The following MIGA2 variants were observed in gnomAD, a reference collection of about 807,000 sequenced individuals.
The protein encoded by MIGA2 is mitoguardin 2, also known as family with sequence similarity 73, member B.
A neutral mutation model predicts 69.9 loss-of-function variants in MIGA2; 36 were observed. The observed-to-expected ratio is 0.52, with a 90% CI of 0.39 to 0.68. MIGA2 has a LOEUF of 0.68. Among genes scored for constraint, MIGA2 ranks in the 30% least tolerant of loss-of-function variants. The pLI, the probability that MIGA2 is intolerant of heterozygous loss-of-function variation, is 0.00. For missense variants in MIGA2, 660 were observed against 787.7 expected (o/e 0.84, Z 1.94); for synonymous variants, 333 against 349.2 (o/e 0.95, Z 0.52).
intron 3 of MIGA2, 66 bp downstream of exon 3, chr9:129,042,580 G>T: frequency 1.3e-6 from 2 of 1,482,136 alleles, no homozygotes; most frequent in Non-Finnish European, 9.1e-7. Context: ...TCCCAGCTGG[G>T]TCACTCTCTA....
rs1564621586 is a variant in MIGA2 at position 129,068,341 on chromosome 9, C to T, written c.1404+9C>T. The T allele has an allele frequency of 3.1e-6, 5 of 1,600,236 alleles. No individual in the cohort carries two copies. The highest frequency in any genetic ancestry group is 1.1e-5 in the South Asian group (1 of 90,614). On this transcript the variant is annotated intron_variant, in intron 13 of 15. Transcript: ENST00000684074. This position sits in a 1 kb window ranked among gnomAD's most constrained non-coding sequence, Gnocchi z 4.1. ...ACAGCTTCAAGGAGACGGTGGGTCA[C>T]TGCCCTGCTCTCAGACCCACACTTG...
At chr9:129,037,514 C>T (rs1322650506) in intron 1 of MIGA2, among the ~76,000 whole-genome samples, 4 of 152,006 alleles carry the variant, frequency 2.6e-5, no homozygotes, top group African/African-American at 7.3e-5. Context: ...TCAGCTTAGG[C>T]CCTGGAGGAC....
chr9:129,040,811 C>T, intron 2 of MIGA2, 121 bp downstream of exon 2: 1 of 781,082 alleles, frequency 1.3e-6, no homozygotes, highest in Non-Finnish European at 2.0e-6. Flanking sequence ...CTGGTGTCTC[C>T]TCTTTGGACT....
At chr9:129,064,782 C>G (rs1588412048) in intron 11 of MIGA2, among the ~76,000 whole-genome samples, 1 of 149,892 alleles carries the variant, frequency 6.7e-6, no homozygotes, top group Non-Finnish European at 1.5e-5. Context: ...GTTGCTCAAT[C>G]TTGTTTTTTT....
chr9:129,039,445 C>T (rs1844782528), intron 1 of MIGA2, among the ~76,000 whole-genome samples: 1 of 152,020 alleles, frequency 6.6e-6, no homozygotes, highest in African/African-American at 2.4e-5. Flanking sequence ...TGGGGTTTCA[C>T]TGTGTTAGCC....
At chr9:129,065,871 G>T (rs1257887986) in intron 11 of MIGA2, among the ~76,000 whole-genome samples, 2 of 152,116 alleles carry the variant, frequency 1.3e-5, no homozygotes, top group African/African-American at 4.8e-5. Context: ...GCTCACCGTG[G>T]CGGTGTGGCC....
In MIGA2 at chr9:129,061,186, G is replaced by T; in HGVS notation, c.895-45G>T. On this transcript the variant is annotated intron_variant, in intron 8 of 15. Transcript: ENST00000684074. This position sits in a 1 kb window ranked among gnomAD's most constrained non-coding sequence, Gnocchi z 5.0. ...AGGTGCCCTTGCGCCGTGGCGTGCTGCTCACATGGGCTTCCCTGGTCTCTT... is the reference window on the plus strand; with the variant it reads ...AGGTGCCCTTGCGCCGTGGCGTGCTTCTCACATGGGCTTCCCTGGTCTCTT... 1 of 1,542,496 alleles carries T rather than the reference G, an allele frequency of 6.5e-7. No individual in the cohort carries two copies. Among genetic ancestry groups the T allele is most frequent in the East Asian group, 2.3e-5 (1 of 43,088 alleles).
At chr9:129,058,174 A>G (rs962187150) in intron 6 of MIGA2, among the ~76,000 whole-genome samples, 9 of 151,810 alleles carry the variant, frequency 5.9e-5, no homozygotes, top group African/African-American at 2.2e-4. Flanking sequence ...AGGCAGGAGG[A>G]TTGCATGAAC....
chr9:129,058,512 T>A (rs1845906865), intron 6 of MIGA2, among the ~76,000 whole-genome samples: 1 of 148,224 alleles, frequency 6.7e-6, no homozygotes, highest in African/African-American at 2.5e-5. Flanking sequence ...TTTTTTTTTT[T>A]TTTTTGAGAC....
chr9:129,038,789 C>CTTTTT (rs869238538), intron 1 of MIGA2, among the ~76,000 whole-genome samples: 105 of 89,032 alleles, frequency 1.2e-3, no homozygotes, highest in East Asian at 1.8e-3. Context: ...TTTTGTTTGT[C>CTTTTT]TTTTTTTTTT....
Position 129,048,613 on chromosome 9 carries a change from G to A in MIGA2, c.420+74G>A, listed in dbSNP as rs531652012. ...CTGCTGAGGACTCTGCCCTCAGCAA[G>A]CTTATAGACTGGTAGAGTCCATTCA... On this transcript the variant is annotated intron_variant, in intron 4 of 15. Coordinates refer to ENST00000684074, the MANE Select transcript of MIGA2 (RefSeq NM_001329990.2). The A allele has an allele frequency of 3.7e-4, 429 of 1,151,802 alleles. 2 individuals carry two copies. In the South Asian group the frequency reaches 4.6e-3, roughly 12 times the overall value. The allele number at this position is 1,151,802 out of a possible 1,614,324, so 71.3% of individuals were successfully genotyped here.
chr9:129,067,790 G>A lies in MIGA2; in HGVS notation c.1188G>A (p.Leu396=). The A allele has an allele frequency of 6.2e-7, 1 of 1,612,512 alleles. No individual in the cohort carries two copies. The highest frequency in any genetic ancestry group is 1.3e-5 in the African/African-American group (1 of 75,068). ...CTCCACAGAGCCCCAAAGGCTTCCT[G>A]GAGAGCTACGAGGAGATGCTGAGCT... ...TKAEKSPKGF[L]ESYEEMLSYA... is the part of the protein sequence containing the mutation. Residue 396 remains leucine (L), a synonymous_variant, in exon 12 of 16, where the codon CTG becomes CTA. Transcript: ENST00000684074.
In MIGA2 at chr9:129,069,980, G is replaced by T. The variant is rs1846584767; in HGVS notation, c.1575+15G>T. 1 of 1,569,546 alleles carries T rather than the reference G, an allele frequency of 6.4e-7. No homozygotes were observed. Among genetic ancestry groups the T allele is most frequent in the African/African-American group, 1.4e-5 (1 of 73,566 alleles). On this transcript the variant is annotated intron_variant, in intron 15 of 15. Coordinates refer to ENST00000684074, the MANE Select transcript of MIGA2 (RefSeq NM_001329990.2). This position sits in a 1 kb window ranked among gnomAD's most constrained non-coding sequence, Gnocchi z 4.9. ...CTTTCTTCAAGGTAAACAGAGAGCA[G>T]TTCTCGTTCTTTCCTGACCCTTGCC... is the stretch of plus-strand genomic sequence containing the variant.
At chr9:129,049,649 A>T in intron 5 of MIGA2, 151 bp downstream of exon 5, 1 of 1,257,624 alleles carries the variant, frequency 8.0e-7, no homozygotes, top group South Asian at 1.3e-5. Context: ...TGAACAAGGG[A>T]CAGTGTCTAG....
At chr9:129,043,765 A>T (rs1241739683) in intron 3 of MIGA2, among the ~76,000 whole-genome samples, 2 of 149,654 alleles carry the variant, frequency 1.3e-5, no homozygotes, top group Admixed American at 6.6e-5. Flanking sequence ...CTGTGGCATG[A>T]TCTTGGCTCA....
rs771089559 is a variant in MIGA2, at chr9:129,069,799, C to T, written c.1459-50C>T. 3.8e-6 allele frequency: 5 copies of T among 1,323,774 alleles called. No individual in the cohort carries two copies. The highest frequency in any genetic ancestry group is 1.2e-5 in the South Asian group (1 of 85,196). 82.0% of individuals were successfully genotyped at this position (1,323,774 alleles called of 1,614,324 possible). On this transcript the variant is annotated intron_variant, in intron 14 of 15. Coordinates refer to ENST00000684074, the MANE Select transcript of MIGA2 (RefSeq NM_001329990.2). This position sits in a 1 kb window ranked among gnomAD's most constrained non-coding sequence, Gnocchi z 4.9. ...TTATGCGACACCTGGGCCTGGTGCC[C>T]TCATCCTACCTGGGCCCCGCCTGGC...
chr9:129,038,748 TG>T lies in MIGA2; in HGVS notation c.-143-1701del, dbSNP rs572802299. Among the ~76,000 whole-genome samples, 89 of 149,844 alleles carry T rather than the reference TG, an allele frequency of 5.9e-4. 2 individuals are homozygous for T. In the South Asian group the frequency reaches 0.016, roughly 26 times the overall value. ...ACCAGAGGTGAGGCTGGGGGGAAGGTGGGTGGCATCAACTTCACATAATCCT... is the reference window on the plus strand; with the variant it reads ...ACCAGAGGTGAGGCTGGGGGGAAGGTGGTGGCATCAACTTCACATAATCCT... On this transcript the variant is annotated intron_variant, in intron 1 of 15. Transcript: ENST00000684074.
intron 15 of MIGA2, 73 bp downstream of exon 15, chr9:129,070,038 T>C: frequency 7.4e-7 from 1 of 1,352,960 alleles, no homozygotes; most frequent in Non-Finnish European, 1.0e-6. Context: ...GTGCCAGGAA[T>C]GGGATGAGGG....
chr9:129,068,965 C>A lies in MIGA2; in HGVS notation c.1405-111C>A. 1.6e-6 allele frequency: 2 copies of A among 1,258,212 alleles called. No individual in the cohort carries two copies. Among genetic ancestry groups the A allele is most frequent in the Non-Finnish European group, 2.3e-6 (2 of 862,424 alleles). 77.9% of individuals were successfully genotyped at this position (1,258,212 alleles called of 1,614,324 possible). ...TTAGGCACCTGGCCCCATCTTCCTG[C>A]TTGGAGTGGGGTGAGCTGGGTTTAA... On this transcript the variant is annotated intron_variant, in intron 13 of 15. Transcript: ENST00000684074. The surrounding 1 kb of genome is among the most constrained non-coding windows in gnomAD (Gnocchi z 4.1).
Sources: gnomAD v4.1 joint callset for allele counts (sites outside exome capture counted in the v4.1 genomes callset) on GRCh38, gnomAD v4.1.1 for gene constraint, Gnocchi (gnomAD v3.1) non-coding constraint, MANE v1.5 for transcripts, NCBI Gene and HGNC (gene_info 2026-07-23, HGNC 2026-07-21) for gene names.